The following ERC1 variants were observed in gnomAD, a reference collection of about 807,000 sequenced individuals.
ERC1 encodes the protein RAB6 interacting protein 2.
ERC1 carries 56 observed loss-of-function variants against 132.0 expected under a neutral mutation model. The observed-to-expected ratio is 0.42, with a 90% CI of 0.34 to 0.53. The LOEUF (loss-of-function observed/expected upper bound fraction) is 0.53, where lower values mean the gene tolerates loss of function less well. ERC1 is among the 20% of genes least tolerant of loss of function. ERC1 has a pLI of 0.03. For synonymous variants in ERC1, 478 were observed against 476.1 expected (o/e 1.00, Z -0.05); for missense variants, 1,202 against 1,349.9 (o/e 0.89, Z 1.72).
chr12:1,029,821 C>T (rs140796101), intron 2 of ERC1, among the ~76,000 whole-genome samples: 207 of 136,518 alleles, frequency 1.5e-3, no homozygotes, highest in African/African-American at 5.0e-3. Flanking sequence ...AATCTCAGTT[C>T]GCTGCAACCT....
At chr12:1,449,873 T>G (rs1428551337) in intron 18 of ERC1, among the ~76,000 whole-genome samples, 1 of 151,990 alleles carries the variant, frequency 6.6e-6, no homozygotes, top group East Asian at 1.9e-4. Flanking sequence ...GTAATTTTTT[T>G]TTGTTATTTT....
At chr12:1,327,572 C>T (rs957141658) in intron 15 of ERC1, among the ~76,000 whole-genome samples, 2 of 152,190 alleles carry the variant, frequency 1.3e-5, no homozygotes, top group African/African-American at 4.8e-5. Context: ...CTCTCCCTTA[C>T]AACTGATGGT....
In ERC1 at chr12:1,209,935, C is replaced by T. The variant is rs184453394; in HGVS notation, c.2351+19883C>T. On this transcript the variant is annotated intron_variant, in intron 12 of 18. Transcript: ENST00000360905. ...CTTGGGTTTAGGATATCAAGGTGAC[C>T]GTTTTGCCTTTGTTAAAGGACGTCT... 1.2e-4 allele frequency among the ~76,000 whole-genome samples: 18 copies of T among 152,206 alleles called. 1 individual carries two copies. The highest frequency in any genetic ancestry group is 3.4e-3 in the Middle Eastern group (1 of 294).
intron 12 of ERC1, among the ~76,000 whole-genome samples, chr12:1,221,218 G>A (rs1049289388): frequency 6.6e-6 from 1 of 152,016 alleles, no homozygotes; most frequent in Non-Finnish European, 1.5e-5. Context: ...TTAAATATTT[G>A]TTGAATTAAT....
chr12:1,138,799 A>G (rs1949600750), intron 7 of ERC1, among the ~76,000 whole-genome samples: 1 of 152,212 alleles, frequency 6.6e-6, no homozygotes, highest in African/African-American at 2.4e-5. Flanking sequence ...CCGTCTGACC[A>G]TGGAGGACCT....
intron 1 of ERC1, among the ~76,000 whole-genome samples, chr12:1,012,449 A>G (rs1004070673): frequency 2.0e-5 from 3 of 151,070 alleles, no homozygotes; most frequent in Non-Finnish European, 4.4e-5. Context: ...TGTATTTACC[A>G]ACAGTGATGT....
At chr12:1,474,314 A>G (rs1224257136) in intron 18 of ERC1, among the ~76,000 whole-genome samples, 1 of 152,220 alleles carries the variant, frequency 6.6e-6, no homozygotes, top group Non-Finnish European at 1.5e-5. Flanking sequence ...AACCATCTGC[A>G]GAAAGGAATT....
Position 1,394,033 on chromosome 12 carries a change from ACAAAAAAAAAACC to A in ERC1, c.2926-14115_2926-14103del, listed in dbSNP as rs1334824162. 9.0e-4 allele frequency among the ~76,000 whole-genome samples: 112 copies of A among 124,296 alleles called. 7 individuals carry two copies. The highest frequency in any genetic ancestry group is 3.4e-3 in the African/African-American group (105 of 31,290). 81.5% of individuals were successfully genotyped at this position (124,296 alleles called of 152,430 possible). A position where few individuals can be genotyped will look rare whatever the true frequency, so the allele number is the denominator to read the frequency against. On this transcript the variant is annotated intron_variant, in intron 16 of 18. Transcript: ENST00000360905. ...TCCGTCTCAAAAAAAAAAAAAAAAAACAAAAAAAAAACCACAAAGCATTAAGCAATTTAATTTC... is the reference window on the plus strand; with the variant it reads ...TCCGTCTCAAAAAAAAAAAAAAAAAAACAAAGCATTAAGCAATTTAATTTC...
rs1261019988 is a variant in ERC1, at chr12:991,275, GGCGGTGCCTGGGCGGCAGCAGCA to G, written c.-201_-179del. 1.2e-5 allele frequency: 2 copies of G among 166,556 alleles called. No homozygotes were observed. Among genetic ancestry groups the G allele is most frequent in the Admixed American group, 6.6e-5 (1 of 15,148 alleles). 10.3% of individuals were successfully genotyped at this position (166,556 alleles called of 1,614,324 possible). On this transcript the variant is annotated 5_prime_UTR_variant, in exon 1 of 19. Coordinates refer to ENST00000360905, the MANE Select transcript of ERC1 (RefSeq NM_178040.4). ...CGGCGGCGGCGGTAGTGGCGGCGGC[GGCGGTGCCTGGGCGGCAGCAGCA>G]GCAGTAGCGGCAGCCCTGAGGACGG... is the stretch of plus-strand genomic sequence containing the variant.
At chr12:1,234,426 A>G (rs985945066) in intron 12 of ERC1, among the ~76,000 whole-genome samples, 5 of 152,224 alleles carry the variant, frequency 3.3e-5, no homozygotes, top group Non-Finnish European at 2.9e-5. Flanking sequence ...ATATAGCCCA[A>G]TGGTAAGTTG....
chr12:1,029,572 A>G (rs1967599222), intron 2 of ERC1, among the ~76,000 whole-genome samples: 1 of 152,070 alleles, frequency 6.6e-6, no homozygotes, highest in African/African-American at 2.4e-5. Context: ...TTGCAATTTG[A>G]GAGCTAAGTG....
In ERC1 at chr12:1,174,075, T is replaced by C. The variant is rs532356804; in HGVS notation, c.1738-6465T>C. On this transcript the variant is annotated intron_variant, in intron 8 of 18. Transcript: ENST00000360905. Reference sequence around the variant, plus strand: ...GGGGCTCAGCTGTTATCCATTGTGATGCTGCATTCAGTGGGGCTCAGCTGT... The same window carrying C: ...GGGGCTCAGCTGTTATCCATTGTGACGCTGCATTCAGTGGGGCTCAGCTGT... Among the ~76,000 whole-genome samples the C allele has an allele frequency of 3.3e-5, 5 of 152,232 alleles. No individual in the cohort carries two copies. The South Asian group carries it at 1.0e-3, about 32-fold the overall frequency.
intron 14 of ERC1, among the ~76,000 whole-genome samples, chr12:1,276,215 A>T (rs1434689495): frequency 1.3e-5 from 2 of 149,446 alleles, no homozygotes; most frequent in African/African-American, 4.9e-5. Flanking sequence ...TGTCTCTCTC[A>T]TGTTTTTGTT....
intron 14 of ERC1, among the ~76,000 whole-genome samples, chr12:1,277,724 G>T (rs1249131897): frequency 6.6e-6 from 1 of 152,106 alleles, no homozygotes; most frequent in East Asian, 1.9e-4. Context: ...GCAGTTTACT[G>T]GTTTCTGCAG....
In ERC1 at chr12:1,017,649, C is replaced by T. The variant is rs1470425193; in HGVS notation, c.-156-10099C>T. Among the ~76,000 whole-genome samples, 3 of 151,994 alleles carry T rather than the reference C, an allele frequency of 2.0e-5. No homozygotes were observed. The East Asian group carries it at 5.8e-4, about 29-fold the overall frequency. On this transcript the variant is annotated intron_variant, in intron 1 of 18. Transcript: ENST00000360905. ...AAGTAGCTGGGACTAGAGGCGTGCG[C>T]TATCACACCCCGCTAATTTTTGTAT...
intron 14 of ERC1, among the ~76,000 whole-genome samples, chr12:1,273,357 G>A (rs2078015129): frequency 6.6e-6 from 1 of 152,094 alleles, no homozygotes; most frequent in South Asian, 2.1e-4. Flanking sequence ...CACTCGTAGT[G>A]GTCAGATACG....
chr12:1,419,614 A>C (rs1013115712), intron 17 of ERC1, among the ~76,000 whole-genome samples: 4 of 151,764 alleles, frequency 2.6e-5, no homozygotes, highest in African/African-American at 4.8e-5. Flanking sequence ...TCATCATTTC[A>C]TTCAAGACAT....
chr12:1,295,535 G>A (rs2079851495), intron 15 of ERC1, among the ~76,000 whole-genome samples: 1 of 152,068 alleles, frequency 6.6e-6, no homozygotes, highest in African/African-American at 2.4e-5. Flanking sequence ...GGAATCTGGA[G>A]TTCCAACCCA....
rs564301789 is a variant in ERC1, at chr12:1,073,109, G to A, written c.670-10055G>A. On this transcript the variant is annotated intron_variant, in intron 2 of 18. Transcript: ENST00000360905. ...GAGGTCAAGAGATCGAGACCATCCTGGCCAATATGGTGAAACCTCGTCTCT... is the reference window on the plus strand; with the variant it reads ...GAGGTCAAGAGATCGAGACCATCCTAGCCAATATGGTGAAACCTCGTCTCT... Among the ~76,000 whole-genome samples the A allele has an allele frequency of 2.6e-5, 4 of 152,188 alleles. No individual in the cohort carries two copies. The South Asian group carries it at 8.3e-4, about 32-fold the overall frequency.
Sources: allele counts gnomAD v4.1 joint callset (sites outside exome capture counted in the v4.1 genomes callset), GRCh38; gene constraint gnomAD v4.1.1; transcripts MANE v1.5; gene names NCBI Gene and HGNC (gene_info 2026-07-23, HGNC 2026-07-21).